Variants in RAD23B observed in about 807,000 individuals in gnomAD.
RAD23B encodes lysine-specific demethylase RAD23B.
Under a neutral mutation model 49.1 loss-of-function variants are expected in RAD23B, and 5 were observed. That is an observed-to-expected ratio of 0.10 (90% CI 0.05 to 0.21). RAD23B has a LOEUF of 0.21. Ranked by LOEUF, RAD23B falls within the 10% of genes least tolerant of loss-of-function variation. RAD23B has a pLI of 1.00. For synonymous variants in RAD23B, 184 were observed against 165.4 expected (o/e 1.11, Z -0.86); for missense variants, 356 against 486.7 (o/e 0.73, Z 2.53).
intron 6 of RAD23B, 136 bp from the exon 7 acceptor site, chr9:107,321,847 C>G (rs1564251851): frequency 9.9e-7 from 1 of 1,009,234 alleles, no homozygotes; most frequent in Admixed American, 3.7e-5. Flanking sequence ...TAATCCTTTA[C>G]TTTTAATTGA....
At chr9:107,293,253 C>T (rs1815456720) in intron 1 of RAD23B, among the ~76,000 whole-genome samples, 1 of 152,172 alleles carries the variant, frequency 6.6e-6, no homozygotes, top group South Asian at 2.1e-4. Flanking sequence ...CACACTTTTA[C>T]TTCAGCAGTA....
In RAD23B at chr9:107,329,840, T is replaced by G; in HGVS notation, c.*184T>G. 2.5e-6 allele frequency: 1 copy of G among 394,844 alleles called. No homozygotes were observed. The highest frequency in any genetic ancestry group is 6.6e-4 in the Middle Eastern group (1 of 1,522). The allele number at this position is 394,844 out of a possible 1,614,324, so 24.5% of individuals were successfully genotyped here. ...AAATACAGTGCATGTCTGCTTCAAT[T>G]AGCAGATGCCGCAACTCCACACAGT... is the stretch of plus-strand genomic sequence containing the variant. On this transcript the variant is annotated 3_prime_UTR_variant, in exon 10 of 10. Coordinates refer to ENST00000358015, the MANE Select transcript of RAD23B (RefSeq NM_002874.5).
At chr9:107,284,727 C>T in intron 1 of RAD23B, 1 of 1,123,640 alleles carries the variant, frequency 8.9e-7, no homozygotes, top group Admixed American at 4.2e-5. Context: ...AGCTTTCTGC[C>T]CAACTCTATT....
chr9:107,294,872 G>A (rs1252682502), intron 1 of RAD23B, among the ~76,000 whole-genome samples: 1 of 152,114 alleles, frequency 6.6e-6, no homozygotes, highest in Non-Finnish European at 1.5e-5. Flanking sequence ...CAGGGAGGAG[G>A]ATTTCGTGAA....
chr9:107,324,143 C>T, intron 8 of RAD23B, 126 bp downstream of exon 8: 2 of 1,107,140 alleles, frequency 1.8e-6, no homozygotes, highest in Non-Finnish European at 2.6e-6. Context: ...TTCTTCCAAG[C>T]TACACTTAGA....
intron 4 of RAD23B, among the ~76,000 whole-genome samples, chr9:107,308,774 A>G (rs538115859): frequency 1.3e-5 from 2 of 152,324 alleles, no homozygotes; most frequent in African/African-American, 4.8e-5. Context: ...AACTCAGAAA[A>G]CAAGCTGCTT....
Position 107,283,369 on chromosome 9 carries a change from T to C in RAD23B, c.-261T>C. On this transcript the variant is annotated 5_prime_UTR_variant, in exon 1 of 10. Coordinates refer to ENST00000358015, the MANE Select transcript of RAD23B (RefSeq NM_002874.5). Reference sequence around the variant, plus strand: ...CCCCTCGCGCCTTCTGCAGACTCCGTGGCTGGCGCTCGGCGCGTGAGGAAG... The same window carrying C: ...CCCCTCGCGCCTTCTGCAGACTCCGCGGCTGGCGCTCGGCGCGTGAGGAAG... 2.3e-6 allele frequency: 1 copy of C among 428,084 alleles called. No homozygotes were observed. Among genetic ancestry groups the C allele is most frequent in the Non-Finnish European group, 4.1e-6 (1 of 246,214 alleles). The allele number at this position is 428,084 out of a possible 1,614,324, so 26.5% of individuals were successfully genotyped here. A position where few individuals can be genotyped will look rare whatever the true frequency, so the allele number is the denominator to read the frequency against.
chr9:107,284,180 G>A (rs1346496738), intron 1 of RAD23B: 7 of 986,320 alleles, frequency 7.1e-6, no homozygotes, highest in Non-Finnish European at 8.4e-6. Context: ...TCCGTTTGCC[G>A]CCGAGAGGTG....
At chr9:107,307,197 C>G (rs1826797145) in intron 4 of RAD23B, among the ~76,000 whole-genome samples, 1 of 152,090 alleles carries the variant, frequency 6.6e-6, no homozygotes, top group Non-Finnish European at 1.5e-5. Flanking sequence ...GAAATTCAGG[C>G]TTCTGCCTGT....
intron 4 of RAD23B, among the ~76,000 whole-genome samples, chr9:107,309,758 C>T (rs1181238619): frequency 3.3e-5 from 5 of 151,996 alleles, no homozygotes; most frequent in African/African-American, 7.2e-5. Flanking sequence ...AGTGAAACCC[C>T]GTCTCTACTA....
At chr9:107,287,967 C>T (rs1564238706) in intron 1 of RAD23B, among the ~76,000 whole-genome samples, 1 of 151,762 alleles carries the variant, frequency 6.6e-6, no homozygotes, top group African/African-American at 2.4e-5. Context: ...TCAATATAGT[C>T]ATGCTAGATA....
At chr9:107,312,792 C>T (rs1392112787) in intron 5 of RAD23B, among the ~76,000 whole-genome samples, 2 of 152,052 alleles carry the variant, frequency 1.3e-5, no homozygotes, top group African/African-American at 4.8e-5. Flanking sequence ...AGTAAACTGT[C>T]TGTGGCCTCG....
In RAD23B at chr9:107,306,304, A is replaced by G. The variant is rs890253335; in HGVS notation, c.229-75A>G. 8 of 1,434,052 alleles carry G rather than the reference A, an allele frequency of 5.6e-6. No homozygotes were observed. The African/African-American group carries it at 8.6e-5, about 15-fold the overall frequency. 88.8% of individuals were successfully genotyped at this position (1,434,052 alleles called of 1,614,324 possible). A position where few individuals can be genotyped will look rare whatever the true frequency, so the allele number is the denominator to read the frequency against. ...TAGTGCTATGTTTGTGGCATCCTGT[A>G]ACGGTACAGTCTAATTAGAGATCAG... On this transcript the variant is annotated intron_variant, in intron 3 of 9. Transcript: ENST00000358015.
chr9:107,290,259 C>T (rs1388760984), intron 1 of RAD23B, among the ~76,000 whole-genome samples: 2 of 152,174 alleles, frequency 1.3e-5, no homozygotes, highest in Non-Finnish European at 2.9e-5. Context: ...CTATCTAAGG[C>T]AGGTCCTTCC....
intron 1 of RAD23B, among the ~76,000 whole-genome samples, chr9:107,286,928 A>C (rs2133060689): frequency 6.6e-6 from 1 of 152,250 alleles, no homozygotes; most frequent in South Asian, 2.1e-4. Context: ...ACAAAAAATT[A>C]GACGGACGTG....
At position 107,318,273 on chromosome 9, in the gene RAD23B, A is replaced by C. The variant is rs564921993; in HGVS notation, c.554-479A>C. ...TCCTTTTTGGAGACTCCGGGGAAGA[A>C]TTTTTTTCCTGATCCTGTCCTACCA... On this transcript the variant is annotated intron_variant, in intron 5 of 9. Transcript: ENST00000358015. This position sits in a 1 kb window ranked among gnomAD's most constrained non-coding sequence, Gnocchi z 4.3. Among the ~76,000 whole-genome samples, 140 of 152,146 alleles carry C rather than the reference A, an allele frequency of 9.2e-4. No homozygotes were observed. The highest frequency in any genetic ancestry group is 4.4e-3 in the Admixed American group (67 of 15,284).
intron 9 of RAD23B, among the ~76,000 whole-genome samples, chr9:107,327,724 T>C (rs1207652086): frequency 6.6e-6 from 1 of 152,190 alleles, no homozygotes; most frequent in African/African-American, 2.4e-5. Flanking sequence ...ATAGTGTAGT[T>C]CTTATTAAGT....
In RAD23B at chr9:107,325,024, T is replaced by C. The variant is rs760235049; in HGVS notation, c.1116+20T>C. On this transcript the variant is annotated intron_variant, in intron 9 of 9. Transcript: ENST00000358015. ...GAAAGGGTGAGTTTAAGTAAAACTT[T>C]AAAAAAATTAGTTCTTGGCTGGGCT... 6.2e-7 allele frequency: 1 copy of C among 1,604,994 alleles called. No homozygotes were observed. The highest frequency in any genetic ancestry group is 1.1e-5 in the South Asian group (1 of 90,588).
At chr9:107,325,088 G>T in intron 9 of RAD23B, 84 bp downstream of exon 9, 1 of 1,340,508 alleles carries the variant, frequency 7.5e-7, no homozygotes. Context: ...GCCAAGGCAG[G>T]TGGATCACCT....
Sources: gnomAD v4.1 joint callset for allele counts (sites outside exome capture counted in the v4.1 genomes callset) on GRCh38, gnomAD v4.1.1 for gene constraint, Gnocchi (gnomAD v3.1) non-coding constraint, MANE v1.5 for transcripts, NCBI Gene and HGNC (gene_info 2026-07-23, HGNC 2026-07-21) for gene names.